SLC44A5: variants seen among roughly 807,000 people sequenced by gnomAD.
SLC44A5 encodes the protein solute carrier family 44 member 5.
A neutral mutation model predicts 101.8 loss-of-function variants in SLC44A5; 57 were observed. The ratio of observed to expected loss-of-function variants is 0.56; its 90% CI spans 0.45 to 0.70. The LOEUF (loss-of-function observed/expected upper bound fraction) is 0.70, where lower values mean the gene tolerates loss of function less well. SLC44A5 is among the 30% of genes least tolerant of loss of function. SLC44A5 has a pLI of 0.00. For missense variants in SLC44A5, 737 were observed against 853.1 expected, an observed-to-expected ratio of 0.86 and a Z score of 1.70; for synonymous variants, 281 against 290.9, an observed-to-expected ratio of 0.97 and a Z score of 0.35.
the SLC44A5 span, among the ~76,000 whole-genome samples, chr1:75,666,337 A>G: frequency 6.6e-6 from 1 of 152,208 alleles, no homozygotes; most frequent in Non-Finnish European, 1.5e-5. Context: ...GAAGAAATGG[A>G]TAAATTCCTG....
At chr1:75,390,667 C>A (rs1280109941) in intron 3 of SLC44A5, among the ~76,000 whole-genome samples, 1 of 151,944 alleles carries the variant, frequency 6.6e-6, no homozygotes, top group African/African-American at 2.4e-5. Context: ...AAATGTCTAA[C>A]AAAACTAAGC....
chr1:75,654,242 T>C, the SLC44A5 span, among the ~76,000 whole-genome samples: 1 of 152,224 alleles, frequency 6.6e-6, no homozygotes, highest in Non-Finnish European at 1.5e-5. Flanking sequence ...TAAGGAATTA[T>C]AAAAGGTTCT....
intron 1 of SLC44A5, among the ~76,000 whole-genome samples, chr1:75,596,969 G>A (rs1186742036): frequency 6.6e-6 from 1 of 152,034 alleles, no homozygotes; most frequent in East Asian, 1.9e-4. Flanking sequence ...GCAAGAGAAA[G>A]AAACAAAGGC....
chr1:75,353,039 G>T (rs1658802382), intron 3 of SLC44A5, among the ~76,000 whole-genome samples: 1 of 152,068 alleles, frequency 6.6e-6, no homozygotes, highest in African/African-American at 2.4e-5. Context: ...GCTTTATATA[G>T]ATGGAATCAG....
At chr1:75,396,716 C>A in intron 2 of SLC44A5, 95 bp from the exon 3 acceptor site, 1 of 950,954 alleles carries the variant, frequency 1.1e-6, no homozygotes, top group Non-Finnish European at 1.7e-6. Context: ...AAATCTTAGT[C>A]TTTAGACTAA....
rs758367906 is a variant in SLC44A5 at position 75,581,984 on chromosome 1, C to T, written c.-70+29056G>A. The T allele has an allele frequency of 6.5e-6, 3 of 460,764 alleles. No homozygotes were observed. In the East Asian group the frequency reaches 1.5e-4, roughly 23 times the overall value. The allele number at this position is 460,764 out of a possible 1,614,324, so 28.5% of individuals were successfully genotyped here. On this transcript the variant is annotated intron_variant, in intron 1 of 23. Coordinates refer to ENST00000370859, the MANE Select transcript of SLC44A5 (RefSeq NM_001130058.2). ...CCTCTTTCTTTAAAAATTACCCAGC[C>T]TCGGGTGTTCTTTTACAGTAATGCA...
chr1:75,453,049 A>G (rs954296406), intron 2 of SLC44A5, among the ~76,000 whole-genome samples: 17 of 152,160 alleles, frequency 1.1e-4, no homozygotes, highest in African/African-American at 4.1e-4. Context: ...CCTAATAGTC[A>G]TCTACAGAAT....
intron 5 of SLC44A5, among the ~76,000 whole-genome samples, chr1:75,281,850 T>A (rs1011722868): frequency 1.3e-5 from 2 of 152,026 alleles, no homozygotes; most frequent in Non-Finnish European, 2.9e-5. Context: ...TTTCAGAGGA[T>A]GTATGGAAAT....
chr1:75,241,884 T>C, intron 9 of SLC44A5, 117 bp downstream of exon 9: 1 of 799,892 alleles, frequency 1.3e-6, no homozygotes, highest in Middle Eastern at 2.4e-4. Flanking sequence ...CTCTGGGACT[T>C]TAGGCAGTCA....
intron 2 of SLC44A5, among the ~76,000 whole-genome samples, chr1:75,494,784 T>G (rs1668587314): frequency 6.6e-6 from 1 of 152,202 alleles, no homozygotes; most frequent in Admixed American, 6.5e-5. Context: ...CTCTCCTCTC[T>G]GGCTCAGTGA....
chr1:75,297,662 G>A (rs1464841560), intron 5 of SLC44A5, among the ~76,000 whole-genome samples: 1 of 152,156 alleles, frequency 6.6e-6, no homozygotes, highest in Non-Finnish European at 1.5e-5. Context: ...GTATAGGAAA[G>A]AATAATTTGC....
At chr1:75,293,199 C>T (rs1431268349) in intron 5 of SLC44A5, among the ~76,000 whole-genome samples, 12 of 152,202 alleles carry the variant, frequency 7.9e-5, no homozygotes, top group Non-Finnish European at 1.8e-4. Flanking sequence ...TATCTTTTCA[C>T]TCATATCGAG....
intron 2 of SLC44A5, among the ~76,000 whole-genome samples, chr1:75,413,229 CTTGCTATGA>C (rs1217011511): frequency 6.6e-6 from 1 of 152,024 alleles, no homozygotes; most frequent in Non-Finnish European, 1.5e-5. Flanking sequence ...GGTTTTGGTA[CTTGCTATGA>C]TTTCAGGCAT....
At chr1:75,612,714 A>G (rs185627215), upstream of SLC44A5, among the ~76,000 whole-genome samples, 20 of 152,272 alleles carry the variant, frequency 1.3e-4, no homozygotes, top group East Asian at 3.5e-3. Flanking sequence ...TCAGTGCTCA[A>G]TAAATATGTG....
At chr1:75,716,584 G>A in the SLC44A5 span, among the ~76,000 whole-genome samples, 1 of 152,176 alleles carries the variant, frequency 6.6e-6, no homozygotes, top group Non-Finnish European at 1.5e-5. Flanking sequence ...ACTCAATACA[G>A]AATTACCAGA....
At chr1:75,236,731 G>C (rs1043143671) in intron 11 of SLC44A5, among the ~76,000 whole-genome samples, 1 of 151,970 alleles carries the variant, frequency 6.6e-6, no homozygotes, top group Non-Finnish European at 1.5e-5. Context: ...ATATTCATAG[G>C]TACTTTTATT....
intron 5 of SLC44A5, among the ~76,000 whole-genome samples, chr1:75,275,480 G>T (rs1019474452): frequency 1.1e-4 from 16 of 152,012 alleles, no homozygotes; most frequent in Admixed American, 2.6e-4. Context: ...AATTCAAAGG[G>T]ATGAAACTAT....
At chr1:75,258,716 T>G (rs1650233216) in intron 6 of SLC44A5, among the ~76,000 whole-genome samples, 1 of 152,094 alleles carries the variant, frequency 6.6e-6, no homozygotes, top group African/African-American at 2.4e-5. Flanking sequence ...CCCTGACCCC[T>G]GGGTATCTTG....
At chr1:75,357,268 G>A in intron 3 of SLC44A5, 1 of 454,448 alleles carries the variant, frequency 2.2e-6, no homozygotes, top group Non-Finnish European at 4.4e-6. Context: ...GTCACTAAAA[G>A]CTCTTGAACT....
Sources: allele counts gnomAD v4.1 joint callset (sites outside exome capture counted in the v4.1 genomes callset), GRCh38; gene constraint gnomAD v4.1.1; transcripts MANE v1.5; gene names NCBI Gene and HGNC (gene_info 2026-07-23, HGNC 2026-07-21).